Variants in FHIT observed in about 807,000 individuals in gnomAD.
The protein encoded by FHIT is fragile histidine triad diadenosine triphosphatase.
Under a neutral mutation model 17.9 loss-of-function variants are expected in FHIT, and 19 were observed. The observed-to-expected ratio is 1.06, with a 90% CI of 0.74 to 1.56. The LOEUF (loss-of-function observed/expected upper bound fraction) is 1.56. Among genes scored for constraint, FHIT ranks in the 40% most tolerant of loss-of-function variants. The pLI is 0.00. For synonymous variants in FHIT, 81 were observed against 69.7 expected (o/e 1.16, Z -0.81); for missense variants, 248 against 189.2 (o/e 1.31, Z -1.82).
chr3:61,101,921 C>T (rs1162051853), intron 2 of FHIT, among the ~76,000 whole-genome samples: 1 of 152,192 alleles, frequency 6.6e-6, no homozygotes, highest in Non-Finnish European at 1.5e-5. Context: ...TGAGACTTTG[C>T]TGAAGTTGCT....
At chr3:60,330,531 C>A (rs145607612) in intron 5 of FHIT, among the ~76,000 whole-genome samples, 3 of 152,162 alleles carry the variant, frequency 2.0e-5, no homozygotes, top group Non-Finnish European at 4.4e-5. Flanking sequence ...TTCAGCATGG[C>A]CACGAAACTC....
intron 1 of FHIT, among the ~76,000 whole-genome samples, chr3:61,202,646 T>C (rs2039064242): frequency 1.3e-5 from 2 of 152,088 alleles, no homozygotes; most frequent in South Asian, 4.1e-4. Context: ...CATACTTTCA[T>C]ATATCAGAAT....
At chr3:60,748,769 G>A (rs2042408807) in intron 4 of FHIT, among the ~76,000 whole-genome samples, 1 of 152,120 alleles carries the variant, frequency 6.6e-6, no homozygotes, top group Admixed American at 6.5e-5. Flanking sequence ...CCTAGATTGA[G>A]CCACTGGACT....
intron 4 of FHIT, among the ~76,000 whole-genome samples, chr3:60,551,188 T>C (rs1205785540): frequency 6.6e-6 from 1 of 151,544 alleles, no homozygotes; most frequent in Non-Finnish European, 1.5e-5. Context: ...AGGAGATGGG[T>C]TTGAAAGATG....
chr3:60,861,280 C>CA (rs1703872929), intron 3 of FHIT, among the ~76,000 whole-genome samples: 1 of 41,396 alleles, frequency 2.4e-5, no homozygotes, highest in Non-Finnish European at 4.8e-5. Context: ...ATATATCTTT[C>CA]TTTTTTTTTT....
intron 3 of FHIT, among the ~76,000 whole-genome samples, chr3:60,889,995 TTCAG>T (rs1380603647): frequency 1.3e-5 from 2 of 152,194 alleles, no homozygotes; most frequent in Admixed American, 6.5e-5. Context: ...AAATAATCTT[TTCAG>T]TCAGAGTTTA....
chr3:60,791,819 T>C lies in FHIT; in HGVS notation c.-18+30100A>G, dbSNP rs371535803. On this transcript the variant is annotated intron_variant, in intron 4 of 9. Coordinates refer to ENST00000492590, the MANE Select transcript of FHIT (RefSeq NM_002012.4). Reference sequence around the variant, plus strand: ...AGCCCCACTTTTCTAAATCTTCTTCTCTCTTTAAAAAAGCAAAGTGAATGC... The same window carrying C: ...AGCCCCACTTTTCTAAATCTTCTTCCCTCTTTAAAAAAGCAAAGTGAATGC... Among the ~76,000 whole-genome samples the C allele has an allele frequency of 1.1e-4, 16 of 152,274 alleles. 2 individuals carry two copies. The South Asian group carries it at 2.5e-3, about 24-fold the overall frequency.
At chr3:60,803,671 G>T (rs1357852906) in intron 4 of FHIT, among the ~76,000 whole-genome samples, 3 of 152,158 alleles carry the variant, frequency 2.0e-5, no homozygotes, top group African/African-American at 7.2e-5. Flanking sequence ...TGGCACTTCA[G>T]TTCCCTTTAA....
chr3:60,508,219 T>C (rs2034812074), intron 5 of FHIT, among the ~76,000 whole-genome samples: 1 of 152,116 alleles, frequency 6.6e-6, no homozygotes, highest in Admixed American at 6.5e-5. Context: ...ATTTAGGAAG[T>C]AAAACCAGCA....
intron 5 of FHIT, among the ~76,000 whole-genome samples, chr3:60,220,861 C>T (rs146707442): frequency 6.6e-6 from 1 of 152,096 alleles, no homozygotes; most frequent in Non-Finnish European, 1.5e-5. Context: ...ACAGTCGATG[C>T]CATTTCCATC....
At chr3:60,431,275 C>T (rs1029989613) in intron 5 of FHIT, among the ~76,000 whole-genome samples, 3 of 151,494 alleles carry the variant, frequency 2.0e-5, no homozygotes, top group Non-Finnish European at 4.4e-5. Flanking sequence ...AACATTCTTG[C>T]TCCATCATTT....
chr3:60,115,050 CTTA>C (rs1168876999), intron 5 of FHIT, among the ~76,000 whole-genome samples: 1 of 151,794 alleles, frequency 6.6e-6, no homozygotes, highest in Non-Finnish European at 1.5e-5. Flanking sequence ...TAATCACATG[CTTA>C]TTAATAAAAT....
chr3:60,380,670 T>C (rs908163737), intron 5 of FHIT, among the ~76,000 whole-genome samples: 6 of 152,214 alleles, frequency 3.9e-5, no homozygotes, highest in Admixed American at 3.3e-4. Flanking sequence ...GTTGTCTCAC[T>C]GCATGAGTAT....
At chr3:61,143,108 T>C (rs2037132436) in intron 2 of FHIT, among the ~76,000 whole-genome samples, 1 of 152,126 alleles carries the variant, frequency 6.6e-6, no homozygotes, top group Non-Finnish European at 1.5e-5. Context: ...AGATACAAGT[T>C]TGAGGGAAAA....
intron 4 of FHIT, among the ~76,000 whole-genome samples, chr3:60,795,508 GT>G (rs201826426): frequency 3.8e-4 from 54 of 142,958 alleles, no homozygotes; most frequent in East Asian, 8.3e-4. Context: ...TTTGTTTTTT[GT>G]TTTTTTTTTT....
At chr3:60,654,940 A>G (rs1307556736) in intron 4 of FHIT, among the ~76,000 whole-genome samples, 1 of 152,188 alleles carries the variant, frequency 6.6e-6, no homozygotes, top group African/African-American at 2.4e-5. Flanking sequence ...GAGTGCCCAT[A>G]TCTCATCCTG....
intron 5 of FHIT, among the ~76,000 whole-genome samples, chr3:60,273,945 T>C (rs1706994347): frequency 6.6e-6 from 1 of 152,178 alleles, no homozygotes; most frequent in African/African-American, 2.4e-5. Flanking sequence ...AATGCACTTA[T>C]ATAACTTTTA....
chr3:60,498,112 C>A (rs1054107289), intron 5 of FHIT, among the ~76,000 whole-genome samples: 2 of 152,134 alleles, frequency 1.3e-5, no homozygotes, highest in African/African-American at 4.8e-5. Context: ...CAGAAACAGG[C>A]AGGGAGCTAG....
intron 8 of FHIT, among the ~76,000 whole-genome samples, chr3:59,755,332 C>A (rs915539612): frequency 6.6e-6 from 1 of 152,194 alleles, no homozygotes; most frequent in Non-Finnish European, 1.5e-5. Context: ...CCCTGGTGGG[C>A]AAGACTTGTG....
Sources: gnomAD v4.1 joint callset for allele counts (sites outside exome capture counted in the v4.1 genomes callset) on GRCh38, gnomAD v4.1.1 for gene constraint, MANE v1.5 for transcripts, NCBI Gene and HGNC (gene_info 2026-07-23, HGNC 2026-07-21) for gene names.